CAPN6: variants seen among roughly 807,000 people sequenced by gnomAD.
CAPN6 encodes the protein calpain 6, also known as calpain-6.
Under a neutral mutation model 46.0 loss-of-function variants are expected in CAPN6, and 16 were observed. That is an observed-to-expected ratio of 0.35 (90% confidence interval 0.24 to 0.53). CAPN6 has a LOEUF of 0.53. CAPN6 is among the 20% of genes least tolerant of loss of function. The probability of loss-of-function intolerance (pLI) is 0.94; values close to 1 mark genes in which losing one functional copy is unlikely to be tolerated. For synonymous variants in CAPN6, 206 were observed against 172.8 expected (o/e 1.19, Z -1.51); for missense variants, 461 against 498.0 (o/e 0.93, Z 0.71).
At chrX:111,256,839 T>G (rs1384306394) in intron 2 of CAPN6, among the ~76,000 whole-genome samples, 1 of 81,815 alleles carries the variant, frequency 1.2e-5, no homozygotes, top group African/African-American at 1.4e-4. Flanking sequence ...AGAATGTAAA[T>G]TTGGGACCCC....
chrX:111,270,087 T>A (rs764612728), intron 1 of CAPN6, among the ~76,000 whole-genome samples: 1 of 111,853 alleles, frequency 8.9e-6, no homozygotes, highest in East Asian at 2.8e-4. Context: ...CACGCGTGTG[T>A]GCACACACAC....
chrX:111,259,451 GTTTCTTTCC>G (rs771933954), intron 2 of CAPN6, among the ~76,000 whole-genome samples: 1 of 112,187 alleles, frequency 8.9e-6, no homozygotes, highest in African/African-American at 3.2e-5. Flanking sequence ...AGAGAAAAGT[GTTTCTTTCC>G]TTACGGTTCC....
intron 8 of CAPN6, among the ~76,000 whole-genome samples, chrX:111,250,366 G>A (rs2094978167): frequency 9.0e-6 from 1 of 111,292 alleles, no homozygotes; most frequent in African/African-American, 3.3e-5. Context: ...TATGTCACCT[G>A]GAATAGCACT....
intron 2 of CAPN6, among the ~76,000 whole-genome samples, chrX:111,260,292 C>A (rs2094986933): frequency 1.9e-5 from 2 of 107,037 alleles, no homozygotes; most frequent in African/African-American, 6.9e-5. Context: ...GGCGCCAAGG[C>A]GGCGAGGGGC....
chrX:111,249,836 A>C (rs1603408323), intron 8 of CAPN6, among the ~76,000 whole-genome samples: 1 of 95,460 alleles, frequency 1.0e-5, no homozygotes, highest in African/African-American at 3.9e-5. Flanking sequence ...GGAAAGAAGG[A>C]AGGAAGGAAG....
intron 3 of CAPN6, 98 bp downstream of exon 3, chrX:111,254,174 C>T: frequency 1.0e-6 from 1 of 984,775 alleles, no homozygotes. Flanking sequence ...TCAAGAAATA[C>T]AACAATCTAA....
At chrX:111,249,305 C>T (rs1305641379) in intron 8 of CAPN6, among the ~76,000 whole-genome samples, 2 of 111,639 alleles carry the variant, frequency 1.8e-5, no homozygotes, top group East Asian at 5.6e-4. Context: ...CCTTTGATGC[C>T]AAAGAGGATA....
In CAPN6 at chrX:111,251,175, C is replaced by A. The variant is rs370261993; in HGVS notation, c.971+34G>T. The A allele has an allele frequency of 3.7e-5, 44 of 1,200,886 alleles. 1 individual carries two copies. The highest frequency in any genetic ancestry group is 3.3e-4 in the East Asian group (11 of 33,682). On this transcript the variant is annotated intron_variant, in intron 7 of 12. Transcript: ENST00000324068. Reference sequence around the variant, plus strand: ...TTAACACTGTAGTTCCATGTAGAAGCCCCAATTCCCTTAGTGCAGAAACCC... The same window carrying A: ...TTAACACTGTAGTTCCATGTAGAAGACCCAATTCCCTTAGTGCAGAAACCC...
chrX:111,246,379 AGCTGCT>A lies in CAPN6; in HGVS notation c.*192_*197del, dbSNP rs1346090699. ...ATAGGACTGTCGCCTCCCCATGTCC[AGCTGCT>A]GGAGGTATATAGGTTATGTAGCTAC... On this transcript the variant is annotated 3_prime_UTR_variant, in exon 13 of 13. Transcript: ENST00000324068. 2.4e-6 allele frequency: 1 copy of A among 420,596 alleles called. No individual in the cohort carries two copies. The highest frequency in any genetic ancestry group is 3.9e-5 in the East Asian group (1 of 25,690). 34.7% of individuals were successfully genotyped at this position (420,596 alleles called of 1,213,427 possible).
intron 2 of CAPN6, among the ~76,000 whole-genome samples, chrX:111,259,992 C>A (rs1280600987): frequency 5.4e-5 from 6 of 111,764 alleles, no homozygotes; most frequent in Non-Finnish European, 1.1e-4. Flanking sequence ...TTTATGAAGA[C>A]TATATATGTT....
At chrX:111,254,575 C>T (rs756771060) in intron 2 of CAPN6, among the ~76,000 whole-genome samples, 172 bp from the exon 3 acceptor site, 3 of 110,666 alleles carry the variant, frequency 2.7e-5, no homozygotes, top group South Asian at 3.9e-4. Context: ...TAAGGAAAAC[C>T]AAAAAACAGT....
chrX:111,262,466 T>TA (rs1398511927), intron 2 of CAPN6, among the ~76,000 whole-genome samples: 1 of 111,892 alleles, frequency 8.9e-6, no homozygotes, highest in East Asian at 2.8e-4. Context: ...TGATAGTTGG[T>TA]AAAAGGGTTA....
intron 1 of CAPN6, 132 bp downstream of exon 1, chrX:111,270,239 C>G (rs2094994950): frequency 5.2e-6 from 1 of 193,025 alleles, no homozygotes; most frequent in South Asian, 8.6e-5. Context: ...CATATTTGAT[C>G]CAGACAAGCC....
At chrX:111,260,557 A>G (rs746812834) in intron 2 of CAPN6, among the ~76,000 whole-genome samples, 28 of 112,334 alleles carry the variant, frequency 2.5e-4, no homozygotes, top group African/African-American at 8.1e-4. Flanking sequence ...GGGGAGGCCA[A>G]CGGCTCATCT....
At chrX:111,264,931 T>C (rs2094990655) in intron 1 of CAPN6, among the ~76,000 whole-genome samples, 1 of 111,912 alleles carries the variant, frequency 8.9e-6, no homozygotes, top group Admixed American at 9.5e-5. Context: ...GTAATGATTT[T>C]AATGATCCTC....
chrX:111,260,229 G>A (rs1443726284), intron 2 of CAPN6, among the ~76,000 whole-genome samples: 1 of 110,886 alleles, frequency 9.0e-6, no homozygotes, highest in Admixed American at 9.5e-5. Context: ...AGTGGCAAGT[G>A]GGAGGAGGGG....
chrX:111,257,878 A>G (rs2094985078), intron 2 of CAPN6, among the ~76,000 whole-genome samples: 1 of 111,605 alleles, frequency 9.0e-6, no homozygotes, highest in Admixed American at 9.5e-5. Flanking sequence ...AGTTGAAGTG[A>G]TCATTTTGTC....
At chrX:111,250,311 A>T (rs1022594173) in intron 8 of CAPN6, among the ~76,000 whole-genome samples, 8 of 111,381 alleles carry the variant, frequency 7.2e-5, no homozygotes, top group African/African-American at 2.6e-4. Context: ...CAGCCTTTAG[A>T]TGTTTGGATT....
At chrX:111,251,798 T>C in intron 5 of CAPN6, 56 bp from the exon 6 acceptor site, 3 of 990,795 alleles carry the variant, frequency 3.0e-6, no homozygotes. Context: ...CAATCCTGAC[T>C]CCTCTTCTTC....
Sources: allele counts gnomAD v4.1 joint callset (sites outside exome capture counted in the v4.1 genomes callset), GRCh38; gene constraint gnomAD v4.1.1; transcripts MANE v1.5; gene names NCBI Gene and HGNC (gene_info 2026-07-23, HGNC 2026-07-21).